ITFG1: variants seen among roughly 807,000 people sequenced by gnomAD.
The protein encoded by ITFG1 is T-cell immunomodulatory protein.
Under a neutral mutation model 81.8 loss-of-function variants are expected in ITFG1, and 34 were observed. The ratio of observed to expected loss-of-function variants is 0.42; its 90% CI spans 0.32 to 0.55. ITFG1 has a LOEUF of 0.55. Among genes scored for constraint, ITFG1 ranks in the 20% least tolerant of loss-of-function variants. The pLI is 0.17. For synonymous variants in ITFG1, 285 were observed against 270.6 expected (o/e 1.05, Z -0.52); for missense variants, 672 against 755.4 (o/e 0.89, Z 1.29).
chr16:47,447,164 A>G (rs1225395917), intron 5 of ITFG1, among the ~76,000 whole-genome samples: 1 of 152,118 alleles, frequency 6.6e-6, no homozygotes, highest in Non-Finnish European at 1.5e-5. Flanking sequence ...CACTGCCCCT[A>G]GCCTATACTA....
intron 14 of ITFG1, among the ~76,000 whole-genome samples, chr16:47,199,968 C>G (rs1965405520): frequency 6.6e-6 from 1 of 151,534 alleles, no homozygotes; most frequent in Non-Finnish European, 1.5e-5. Context: ...TATGCCGCCA[C>G]TGATCTGACA....
At chr16:47,328,339 G>A (rs2151572420) in intron 8 of ITFG1, among the ~76,000 whole-genome samples, 1 of 152,222 alleles carries the variant, frequency 6.6e-6, no homozygotes, top group South Asian at 2.1e-4. Flanking sequence ...GGGAAGGCGG[G>A]AGCGATAGCA....
At chr16:47,268,062 G>GA (rs1023851400) in intron 10 of ITFG1, among the ~76,000 whole-genome samples, 1 of 151,356 alleles carries the variant, frequency 6.6e-6, no homozygotes, top group Non-Finnish European at 1.5e-5. Flanking sequence ...TAGAAAACAG[G>GA]AAAAAAATAG....
intron 13 of ITFG1, among the ~76,000 whole-genome samples, chr16:47,226,597 C>T (rs1372435348): frequency 6.8e-6 from 1 of 147,032 alleles, no homozygotes; most frequent in Non-Finnish European, 1.5e-5. Flanking sequence ...TGTTCAATTC[C>T]CACCTACGAG....
At chr16:47,283,414 G>A (rs1162901444) in intron 10 of ITFG1, among the ~76,000 whole-genome samples, 1 of 152,134 alleles carries the variant, frequency 6.6e-6, no homozygotes, top group Non-Finnish European at 1.5e-5. Flanking sequence ...TTGCTTCTGG[G>A]TTCTCCATTC....
At chr16:47,340,887 A>G (rs1376646100) in intron 8 of ITFG1, among the ~76,000 whole-genome samples, 1 of 152,232 alleles carries the variant, frequency 6.6e-6, no homozygotes, top group African/African-American at 2.4e-5. Flanking sequence ...TATGAGAGAC[A>G]AATAAGAACA....
intron 14 of ITFG1, among the ~76,000 whole-genome samples, chr16:47,184,600 G>A (rs1266006686): frequency 1.3e-5 from 2 of 151,630 alleles, no homozygotes; most frequent in Non-Finnish European, 2.9e-5. Flanking sequence ...TCACCACCAG[G>A]CCTGCCCTAA....
chr16:47,332,402 C>T (rs918991127), intron 8 of ITFG1, among the ~76,000 whole-genome samples: 6 of 152,086 alleles, frequency 3.9e-5, no homozygotes, highest in Non-Finnish European at 8.8e-5. Context: ...TCTATAGCAG[C>T]TTTTACCTCT....
chr16:47,259,835 G>A (rs1327354879), intron 11 of ITFG1, among the ~76,000 whole-genome samples: 1 of 152,072 alleles, frequency 6.6e-6, no homozygotes, highest in Non-Finnish European at 1.5e-5. Flanking sequence ...AAGAATCTGT[G>A]GAAATAGACG....
At chr16:47,363,654 T>C (rs923300140) in intron 8 of ITFG1, among the ~76,000 whole-genome samples, 6 of 152,246 alleles carry the variant, frequency 3.9e-5, no homozygotes, top group Non-Finnish European at 7.3e-5. Context: ...GTATATACTT[T>C]GGTTTATTTC....
chr16:47,178,576 C>T (rs1965058602), intron 14 of ITFG1, among the ~76,000 whole-genome samples: 2 of 152,106 alleles, frequency 1.3e-5, no homozygotes, highest in South Asian at 2.1e-4. Context: ...AAAATTAATT[C>T]AAGATGGATT....
intron 8 of ITFG1, among the ~76,000 whole-genome samples, chr16:47,344,941 G>A (rs1967831532): frequency 6.6e-6 from 1 of 152,108 alleles, no homozygotes; most frequent in Non-Finnish European, 1.5e-5. Flanking sequence ...CTGTGTATAA[G>A]TACCACATTT....
At chr16:47,389,893 A>G (rs1029724730) in intron 6 of ITFG1, among the ~76,000 whole-genome samples, 4 of 152,264 alleles carry the variant, frequency 2.6e-5, no homozygotes, top group Non-Finnish European at 5.9e-5. Flanking sequence ...GGACTGAGGC[A>G]TAGTAAACAG....
At chr16:47,219,346 G>A (rs1353995760) in intron 13 of ITFG1, among the ~76,000 whole-genome samples, 3 of 151,980 alleles carry the variant, frequency 2.0e-5, no homozygotes, top group Non-Finnish European at 2.9e-5. Context: ...CAATAATTAC[G>A]ATAGAATAAA....
intron 14 of ITFG1, among the ~76,000 whole-genome samples, chr16:47,172,357 G>A (rs564774296): frequency 4.6e-5 from 7 of 152,180 alleles, no homozygotes; most frequent in East Asian, 1.9e-4. Flanking sequence ...GCGTGGTGGC[G>A]CATGCCTGTA....
chr16:47,189,782 T>G (rs1965270432), intron 14 of ITFG1, among the ~76,000 whole-genome samples: 1 of 152,232 alleles, frequency 6.6e-6, no homozygotes, highest in Admixed American at 6.5e-5. Flanking sequence ...AGTAGTTTGA[T>G]TTTGTTAACT....
chr16:47,250,309 CTTT>C (rs925532833), intron 12 of ITFG1, among the ~76,000 whole-genome samples: 19 of 151,522 alleles, frequency 1.3e-4, no homozygotes, highest in African/African-American at 4.6e-4. Flanking sequence ...TAATCTTGTT[CTTT>C]ATGTGTACAT....
intron 5 of ITFG1, among the ~76,000 whole-genome samples, chr16:47,438,042 ACCTGGCTCGGAGGGTC>A (rs1241453170): frequency 1.3e-5 from 2 of 152,172 alleles, no homozygotes; most frequent in African/African-American, 4.8e-5. Flanking sequence ...TACATCCTGC[ACCTGGCTCGGAGGGTC>A]CTATGCCCAC....
intron 10 of ITFG1, among the ~76,000 whole-genome samples, chr16:47,277,277 G>A (rs72800635): frequency 6.6e-6 from 1 of 152,072 alleles, no homozygotes; most frequent in Non-Finnish European, 1.5e-5. Context: ...TTCCCAAATT[G>A]TAAAAATTAA....
Sources: gnomAD v4.1 joint callset for allele counts (sites outside exome capture counted in the v4.1 genomes callset) on GRCh38, gnomAD v4.1.1 for gene constraint, MANE v1.5 for transcripts, NCBI Gene and HGNC (gene_info 2026-07-23, HGNC 2026-07-21) for gene names.